The following DCLK1 variants were observed in gnomAD, a reference collection of about 807,000 sequenced individuals.
DCLK1 encodes the protein doublecortin like kinase 1.
Under a neutral mutation model 86.2 loss-of-function variants are expected in DCLK1, and 16 were observed. The ratio of observed to expected loss-of-function variants is 0.19; its 90% CI spans 0.13 to 0.28. DCLK1 has a LOEUF of 0.28. Ranked by LOEUF, DCLK1 falls within the 10% of genes least tolerant of loss-of-function variation. DCLK1 has a pLI of 1.00. For synonymous variants in DCLK1, 369 were observed against 370.5 expected (o/e 1.00, Z 0.05); for missense variants, 590 against 940.2 (o/e 0.63, Z 4.87).
intron 4 of DCLK1, among the ~76,000 whole-genome samples, chr13:35,927,964 G>A (rs1379577900): frequency 6.6e-6 from 1 of 152,206 alleles, no homozygotes; most frequent in Non-Finnish European, 1.5e-5. Flanking sequence ...CCCACAAGGA[G>A]AGGACCTGCA....
At chr13:35,807,161 A>G (rs1288987726) in intron 14 of DCLK1, among the ~76,000 whole-genome samples, 2 of 152,238 alleles carry the variant, frequency 1.3e-5, no homozygotes, top group African/African-American at 4.8e-5. Flanking sequence ...AAGGTCTACA[A>G]ACATCTCAAT....
At chr13:35,899,417 TG>T (rs1293786965) in intron 4 of DCLK1, among the ~76,000 whole-genome samples, 2 of 151,704 alleles carry the variant, frequency 1.3e-5, no homozygotes, top group African/African-American at 4.8e-5. Flanking sequence ...GTACATAAAG[TG>T]TACATTGTAC....
intron 4 of DCLK1, among the ~76,000 whole-genome samples, chr13:35,910,635 G>T (rs555205619): frequency 1.3e-5 from 2 of 152,284 alleles, no homozygotes; most frequent in South Asian, 4.1e-4. Context: ...CTCTTTGATA[G>T]ACCTACAGTG....
intron 3 of DCLK1, among the ~76,000 whole-genome samples, chr13:36,057,766 G>C (rs1483458254): frequency 6.6e-6 from 1 of 151,824 alleles, no homozygotes; most frequent in Non-Finnish European, 1.5e-5. Context: ...GGGGTGTAGA[G>C]AGAGGGATTT....
intron 3 of DCLK1, among the ~76,000 whole-genome samples, chr13:36,073,973 G>A (rs944109416): frequency 6.6e-6 from 1 of 152,160 alleles, no homozygotes; most frequent in African/African-American, 2.4e-5. Flanking sequence ...TGCCAATACA[G>A]AAAATGTGGG....
Position 36,092,371 on chromosome 13 carries a change from G to A in DCLK1, c.723+19498C>T, listed in dbSNP as rs939559549. 3.9e-5 allele frequency among the ~76,000 whole-genome samples: 6 copies of A among 152,034 alleles called. No individual in the cohort carries two copies. The South Asian group carries it at 8.3e-4, about 21-fold the overall frequency. On this transcript the variant is annotated intron_variant, in intron 3 of 16. Coordinates refer to ENST00000360631, the MANE Select transcript of DCLK1 (RefSeq NM_001330071.2). The stretch of plus-strand genomic sequence containing the variant: ...TGCTTAACACAGTTCCTAGCACAAC[G>A]GCAAATAGCTGAATAGCTGTTAGTT...
chr13:35,966,821 G>A (rs1333847198), intron 3 of DCLK1, among the ~76,000 whole-genome samples: 1 of 151,960 alleles, frequency 6.6e-6, no homozygotes, highest in Non-Finnish European at 1.5e-5. Context: ...TGTTGCCCAG[G>A]CTGGAGTGCA....
At chr13:35,992,646 C>T (rs1260674838) in intron 3 of DCLK1, among the ~76,000 whole-genome samples, 1 of 152,110 alleles carries the variant, frequency 6.6e-6, no homozygotes, top group African/African-American at 2.4e-5. Flanking sequence ...AGTCTCAAAA[C>T]CCCAGCATCA....
chr13:35,911,527 C>T (rs1875033067), intron 4 of DCLK1, among the ~76,000 whole-genome samples: 2 of 152,110 alleles, frequency 1.3e-5, no homozygotes, highest in Admixed American at 6.5e-5. Flanking sequence ...TGTGGGGCCA[C>T]ATCACTCTGG....
intron 3 of DCLK1, among the ~76,000 whole-genome samples, chr13:36,046,082 A>T (rs1293694942): frequency 1.3e-5 from 2 of 152,212 alleles, no homozygotes; most frequent in East Asian, 1.9e-4. Context: ...TAAAAAAAAA[A>T]CCTAAATGTT....
intron 4 of DCLK1, among the ~76,000 whole-genome samples, chr13:35,934,049 A>G (rs2153129721): frequency 6.6e-6 from 1 of 152,114 alleles, no homozygotes; most frequent in East Asian, 1.9e-4. Flanking sequence ...ATCTCTCTCA[A>G]GTTCAAAGCT....
intron 4 of DCLK1, among the ~76,000 whole-genome samples, chr13:35,914,182 G>A (rs1284981844): frequency 6.6e-6 from 1 of 151,532 alleles, no homozygotes; most frequent in East Asian, 1.9e-4. Flanking sequence ...AGCTGTGTAT[G>A]GTGGCATGTG....
At chr13:35,855,349 A>T (rs1210094324) in intron 5 of DCLK1, among the ~76,000 whole-genome samples, 1 of 152,266 alleles carries the variant, frequency 6.6e-6, no homozygotes, top group Non-Finnish European at 1.5e-5. Flanking sequence ...ACTTAAAGAC[A>T]TGGTTTTATA....
At chr13:35,813,581 G>T (rs922347660) in intron 11 of DCLK1, among the ~76,000 whole-genome samples, 5 of 151,790 alleles carry the variant, frequency 3.3e-5, no homozygotes, top group African/African-American at 1.2e-4. Flanking sequence ...TTAAAATAAA[G>T]AAAATGAGTA....
In DCLK1 at chr13:35,817,083, C is replaced by T. The variant is rs375280023; in HGVS notation, c.1554+5646G>A. Among the ~76,000 whole-genome samples the T allele has an allele frequency of 2.7e-3, 418 of 152,258 alleles. 19 individuals are homozygous for T. In the South Asian group the frequency reaches 0.081, roughly 30 times the overall value. On this transcript the variant is annotated intron_variant, in intron 11 of 16. Transcript: ENST00000360631. ...TTTAATTTTTGCTAGTCTGATAAGG[C>T]TGTGCCATTTTAGAAAGAAATGAGT...
intron 2 of DCLK1, 65 bp from the exon 3 acceptor site, chr13:36,112,280 T>C: frequency 1.5e-6 from 2 of 1,290,506 alleles, no homozygotes; most frequent in Non-Finnish European, 2.1e-6. Flanking sequence ...TTCCTACTTA[T>C]CCTCTCTTTT....
rs142212565 is a variant in DCLK1, at chr13:35,914,321, GA to G, written c.823+33036del. Among the ~76,000 whole-genome samples, 228 of 57,698 alleles carry G rather than the reference GA, an allele frequency of 4.0e-3. 2 individuals carry two copies. Among genetic ancestry groups the G allele is most frequent in the African/African-American group, 0.015 (196 of 12,958 alleles). 37.9% of individuals were successfully genotyped at this position (57,698 alleles called of 152,430 possible). A position where few individuals can be genotyped will look rare whatever the true frequency, so the allele number is the denominator to read the frequency against. ...GCAACAGAGGGGAGACCTTATCTCA[GA>G]AAAAAAAAAAATATATATATATATA... On this transcript the variant is annotated intron_variant, in intron 4 of 16. Transcript: ENST00000360631.
chr13:36,037,025 T>A (rs1280046632), intron 3 of DCLK1, among the ~76,000 whole-genome samples: 1 of 152,064 alleles, frequency 6.6e-6, no homozygotes, highest in East Asian at 1.9e-4. Context: ...GTGATATATA[T>A]ATCACACACA....
At chr13:35,880,268 C>A (rs1252728382) in intron 4 of DCLK1, among the ~76,000 whole-genome samples, 1 of 152,146 alleles carries the variant, frequency 6.6e-6, no homozygotes, top group Non-Finnish European at 1.5e-5. Context: ...GGTTTCTTAG[C>A]TGAGAGTCTG....
Sources: gnomAD v4.1 joint callset for allele counts (sites outside exome capture counted in the v4.1 genomes callset) on GRCh38, gnomAD v4.1.1 for gene constraint, MANE v1.5 for transcripts, NCBI Gene and HGNC (gene_info 2026-07-23, HGNC 2026-07-21) for gene names.